TTC7B: variants seen among roughly 807,000 people sequenced by gnomAD.
TTC7B encodes tetratricopeptide repeat domain 7B, also known as tetratricopeptide repeat protein 7B.
TTC7B carries 28 observed loss-of-function variants against 106.8 expected under a neutral mutation model. The observed-to-expected ratio is 0.26, with a 90% confidence interval of 0.19 to 0.36. TTC7B has a LOEUF of 0.36. TTC7B is among the 10% of genes least tolerant of loss of function. TTC7B has a pLI of 1.00. For synonymous variants in TTC7B, 405 were observed against 430.6 expected, an observed-to-expected ratio of 0.94 and a Z score of 0.74; for missense variants, 862 against 1,076.4, an observed-to-expected ratio of 0.80 and a Z score of 2.79.
chr14:90,613,066 G>A (rs901409218), intron 16 of TTC7B, among the ~76,000 whole-genome samples: 7 of 152,152 alleles, frequency 4.6e-5, no homozygotes, highest in African/African-American at 1.7e-4. Context: ...ATTCAACATA[G>A]AGATGCTTTT....
Position 90,530,808 on chromosome 14 carries a change from A to AC in TTC7B, c.*10559dup, listed in dbSNP as rs1447323118. 6.6e-6 allele frequency: 1 copy of AC among 152,084 alleles called. No individual in the cohort carries two copies. Among genetic ancestry groups the AC allele is most frequent in the African/African-American group, 2.4e-5 (1 of 41,404 alleles). The allele number at this position is 152,084 out of a possible 1,614,324, so 9.4% of individuals were successfully genotyped here. Reference sequence around the variant, plus strand: ...CCATGAGGCCCGTTTTAGACTTCTGACCCCCAGAACTACATGTAAGACAGG... The same window carrying AC: ...CCATGAGGCCCGTTTTAGACTTCTGACCCCCCAGAACTACATGTAAGACAGG... On this transcript the variant is annotated 3_prime_UTR_variant, in exon 20 of 20. Transcript: ENST00000328459.
intron 5 of TTC7B, among the ~76,000 whole-genome samples, chr14:90,723,495 G>C (rs774752265): frequency 6.6e-6 from 1 of 152,116 alleles, no homozygotes; most frequent in Non-Finnish European, 1.5e-5. Context: ...TCCTTCCAAT[G>C]CTTCTACTAC....
rs781688668 is a variant in TTC7B at position 90,778,417 on chromosome 14, T to A, written c.445+2321A>T. ...TGTAGACAGCCTGCCTCCATTAAAC[T>A]ATCTCAGAACCAATCCTAGGACGTG... On this transcript the variant is annotated intron_variant, in intron 3 of 19. Coordinates refer to ENST00000328459, the MANE Select transcript of TTC7B (RefSeq NM_001010854.2). Among the ~76,000 whole-genome samples the A allele has an allele frequency of 3.9e-5, 6 of 152,170 alleles. No individual in the cohort carries two copies. In the South Asian group the frequency reaches 1.2e-3, roughly 31 times the overall value.
intron 3 of TTC7B, among the ~76,000 whole-genome samples, chr14:90,760,571 C>A (rs537311595): frequency 1.9e-4 from 29 of 152,328 alleles, no homozygotes; most frequent in African/African-American, 6.0e-4. Flanking sequence ...GAATGTAAAT[C>A]CGGCACAAAT....
intron 3 of TTC7B, among the ~76,000 whole-genome samples, chr14:90,767,658 T>C (rs1890734348): frequency 6.6e-6 from 1 of 152,194 alleles, no homozygotes; most frequent in African/African-American, 2.4e-5. Context: ...TTCTTTTCTT[T>C]ATAAGCTACC....
intron 9 of TTC7B, among the ~76,000 whole-genome samples, chr14:90,671,089 C>G (rs552295825): frequency 6.6e-6 from 1 of 152,130 alleles, no homozygotes; most frequent in Non-Finnish European, 1.5e-5. Flanking sequence ...CCCACTGATA[C>G]CTTCTAGAAA....
At chr14:90,750,636 A>G (rs1890107273) in intron 3 of TTC7B, among the ~76,000 whole-genome samples, 1 of 152,236 alleles carries the variant, frequency 6.6e-6, no homozygotes, top group African/African-American at 2.4e-5. Flanking sequence ...CTGTGGGTTC[A>G]TGTTCTAATT....
intron 2 of TTC7B, among the ~76,000 whole-genome samples, chr14:90,781,884 C>G (rs553658687): frequency 6.6e-5 from 10 of 152,338 alleles, no homozygotes; most frequent in African/African-American, 2.2e-4. Flanking sequence ...CCTCCCTGAC[C>G]CGTCCTCCGG....
intron 5 of TTC7B, among the ~76,000 whole-genome samples, chr14:90,729,767 T>C (rs1348158741): frequency 6.6e-6 from 1 of 152,170 alleles, no homozygotes; most frequent in Admixed American, 6.5e-5. Flanking sequence ...TGCAGAGCCA[T>C]TCATGGAGGG....
chr14:90,683,594 G>A (rs530179301), intron 7 of TTC7B, among the ~76,000 whole-genome samples: 1 of 152,246 alleles, frequency 6.6e-6, no homozygotes, highest in East Asian at 1.9e-4. Flanking sequence ...GCCTCACCAC[G>A]CTTCCATTTT....
chr14:90,740,616 C>T lies in TTC7B; in HGVS notation c.576+4176G>A, dbSNP rs145703242. ...TCCCAGGTTCATGCGATTCTCCTGC[C>T]TCAGTCTCCCGAGTAGCTGGTATTA... On this transcript the variant is annotated intron_variant, in intron 4 of 19. Transcript: ENST00000328459. 6.0e-3 allele frequency among the ~76,000 whole-genome samples: 903 copies of T among 150,460 alleles called. 5 individuals carry two copies. The highest frequency in any genetic ancestry group is 0.021 in the African/African-American group (854 of 41,006).
chr14:90,750,333 G>C (rs1890099681), intron 3 of TTC7B, among the ~76,000 whole-genome samples: 1 of 152,114 alleles, frequency 6.6e-6, no homozygotes, highest in African/African-American at 2.4e-5. Context: ...TATGTCAAAG[G>C]GTCAGGAAAA....
At chr14:90,685,578 C>A (rs1394612103) in intron 7 of TTC7B, among the ~76,000 whole-genome samples, 2 of 151,062 alleles carry the variant, frequency 1.3e-5, no homozygotes, top group Admixed American at 1.3e-4. Context: ...AAAAGATCAA[C>A]AAAATTGACA....
At chr14:90,588,643 C>T (rs1451413450) in intron 18 of TTC7B, among the ~76,000 whole-genome samples, 6 of 152,190 alleles carry the variant, frequency 3.9e-5, no homozygotes, top group African/African-American at 9.7e-5. Flanking sequence ...CATAGTGAGA[C>T]TGCAAAGGTG....
At chr14:90,799,631 G>A (rs980014311) in intron 1 of TTC7B, among the ~76,000 whole-genome samples, 3 of 152,132 alleles carry the variant, frequency 2.0e-5, no homozygotes, top group South Asian at 2.1e-4. Flanking sequence ...GAAAGGCCCC[G>A]AGGTGTGAAC....
At chr14:90,655,669 A>G (rs1178918902) in intron 11 of TTC7B, among the ~76,000 whole-genome samples, 1 of 152,208 alleles carries the variant, frequency 6.6e-6, no homozygotes, top group Non-Finnish European at 1.5e-5. Context: ...CTACACCCAC[A>G]ATAAGACCTG....
chr14:90,722,064 G>A (rs1022852763), intron 5 of TTC7B, among the ~76,000 whole-genome samples: 17 of 152,250 alleles, frequency 1.1e-4, no homozygotes, highest in South Asian at 1.0e-3. Context: ...TATGAAGAGC[G>A]TGGAACAGCG....
At chr14:90,639,816 AC>A (rs1379046741) in intron 15 of TTC7B, among the ~76,000 whole-genome samples, 3 of 152,208 alleles carry the variant, frequency 2.0e-5, no homozygotes, top group African/African-American at 7.2e-5. Context: ...GTGCATTTAC[AC>A]AATAAATACT....
At chr14:90,814,725 C>T (rs562361098) in intron 1 of TTC7B, among the ~76,000 whole-genome samples, 24 of 152,224 alleles carry the variant, frequency 1.6e-4, no homozygotes, top group Non-Finnish European at 2.8e-4. Flanking sequence ...TGCAGGTAAG[C>T]GGAGAAGCAG....
Sources: allele counts gnomAD v4.1 joint callset (sites outside exome capture counted in the v4.1 genomes callset), GRCh38; gene constraint gnomAD v4.1.1; transcripts MANE v1.5; gene names NCBI Gene and HGNC (gene_info 2026-07-23, HGNC 2026-07-21).